PRIM2: variants seen among roughly 807,000 people sequenced by gnomAD.
The protein encoded by PRIM2 is DNA primase large subunit.
In PRIM2, 39 loss-of-function variants were observed where a neutral mutation model predicts 67.3. That is an observed-to-expected ratio of 0.58 (90% confidence interval 0.45 to 0.76). PRIM2 has a LOEUF of 0.76. PRIM2 is among the 30% of genes least tolerant of loss of function. The pLI, the probability that PRIM2 is intolerant of heterozygous loss-of-function variation, is 0.00. For synonymous variants in PRIM2, 143 were observed against 198.7 expected, an observed-to-expected ratio of 0.72 and a Z score of 2.36; for missense variants, 398 against 598.7, an observed-to-expected ratio of 0.66 and a Z score of 3.50.
At chr6:57,263,079 T>G in the PRIM2 span, among the ~76,000 whole-genome samples, 1 of 152,234 alleles carries the variant, frequency 6.6e-6, no homozygotes, top group South Asian at 2.1e-4. Flanking sequence ...AAGTGGATTC[T>G]CAATGGTTGA....
chr6:57,457,009 C>T (rs1317030014), intron 7 of PRIM2, among the ~76,000 whole-genome samples: 6 of 152,212 alleles, frequency 3.9e-5, no homozygotes. Flanking sequence ...TTCTAACAGT[C>T]AGGACCCTCA....
At chr6:57,511,556 C>T (rs1341607347) in intron 8 of PRIM2, among the ~76,000 whole-genome samples, 1 of 152,148 alleles carries the variant, frequency 6.6e-6, no homozygotes, top group Non-Finnish European at 1.5e-5. Flanking sequence ...AGTAATTGGG[C>T]CATAACTTAA....
At chr6:57,330,383 G>GTTTTTTTTTTTTTTTTTTTTTT (rs60270076) in intron 5 of PRIM2, among the ~76,000 whole-genome samples, 2 of 99,556 alleles carry the variant, frequency 2.0e-5, no homozygotes, top group East Asian at 2.8e-4. Context: ...TTGTTTTTTT[G>GTTTTTTTTTTTTTTTTTTTTTT]TTTTTTTTTT....
the PRIM2 span, among the ~76,000 whole-genome samples, chr6:57,252,956 T>C: frequency 6.6e-6 from 1 of 152,124 alleles, no homozygotes; most frequent in East Asian, 1.9e-4. Context: ...TTAGTAGTTA[T>C]TAGAAATAGA....
At chr6:57,317,266 C>T (rs1767508216), upstream of PRIM2, among the ~76,000 whole-genome samples, 2 of 152,072 alleles carry the variant, frequency 1.3e-5, no homozygotes. Context: ...GAGTGCCAGC[C>T]CTGAGGGTTA....
chr6:57,241,773 C>T, the PRIM2 span, among the ~76,000 whole-genome samples: 3 of 143,192 alleles, frequency 2.1e-5, no homozygotes, highest in Admixed American at 7.4e-5. Flanking sequence ...CCCGGGTTCA[C>T]GCCATTCTCC....
At chr6:57,543,067 G>A (rs1287373032) in intron 10 of PRIM2, among the ~76,000 whole-genome samples, 2 of 146,848 alleles carry the variant, frequency 1.4e-5, no homozygotes, top group Non-Finnish European at 3.0e-5. Context: ...AGCCTCCCGA[G>A]TAGCTGGGAC....
At chr6:57,518,510 C>T (rs1774535839) in intron 8 of PRIM2, among the ~76,000 whole-genome samples, 1 of 152,094 alleles carries the variant, frequency 6.6e-6, no homozygotes, top group Non-Finnish European at 1.5e-5. Flanking sequence ...CTCCCCATTA[C>T]TTATAAGAAT....
At chr6:57,443,113 G>C (rs1212645421) in intron 7 of PRIM2, among the ~76,000 whole-genome samples, 1 of 152,078 alleles carries the variant, frequency 6.6e-6, no homozygotes, top group Non-Finnish European at 1.5e-5. Flanking sequence ...GTACTCTATT[G>C]TGTATACATA....
At chr6:57,520,503 A>C (rs1434904840) in intron 8 of PRIM2, among the ~76,000 whole-genome samples, 116 of 152,286 alleles carry the variant, frequency 7.6e-4, no homozygotes, top group African/African-American at 2.8e-3. Flanking sequence ...GAATATAGAG[A>C]GTAAAGGAAC....
At chr6:57,330,391 T>A in intron 5 of PRIM2, among the ~76,000 whole-genome samples, 1 of 147,968 alleles carries the variant, frequency 6.8e-6, no homozygotes, top group Non-Finnish European at 1.5e-5. Flanking sequence ...TTGTTTTTTT[T>A]TTTTTGAGAT....
the PRIM2 span, among the ~76,000 whole-genome samples, chr6:57,256,611 TTCTC>T: frequency 6.9e-6 from 1 of 144,622 alleles, no homozygotes; most frequent in Non-Finnish European, 1.5e-5. Context: ...CAAGTTTTCT[TTCTC>T]TCTTTCTCTT....
intron 7 of PRIM2, among the ~76,000 whole-genome samples, chr6:57,495,199 A>G (rs1377012157): frequency 3.0e-4 from 46 of 152,346 alleles, no homozygotes; most frequent in African/African-American, 1.0e-3. Flanking sequence ...TTTTTAAAGA[A>G]AAACTGTAGT....
At chr6:57,627,707 C>T (rs1444830273) in intron 12 of PRIM2, among the ~76,000 whole-genome samples, 1 of 152,120 alleles carries the variant, frequency 6.6e-6, no homozygotes, top group Non-Finnish European at 1.5e-5. Context: ...TTTTCTTAGC[C>T]TTTTGATTAC....
the PRIM2 span, among the ~76,000 whole-genome samples, chr6:57,275,457 C>G: frequency 2.0e-5 from 3 of 152,104 alleles, no homozygotes; most frequent in Non-Finnish European, 4.4e-5. Flanking sequence ...CCATTGCACT[C>G]CAGCCTGGGC....
In PRIM2 at chr6:57,338,546, C is replaced by T. The variant is rs9370577; in HGVS notation, c.459+12501C>T. Among the ~76,000 whole-genome samples, 685 of 147,942 alleles carry T rather than the reference C, an allele frequency of 4.6e-3. 6 individuals are homozygous for T. The highest frequency in any genetic ancestry group is 7.5e-3 in the Non-Finnish European group (503 of 66,798). ...GGCTTCATCCCTGGGATGCAAGGCTCGTTCAATATACGCAAATCAATAAAT... is the reference window on the plus strand; with the variant it reads ...GGCTTCATCCCTGGGATGCAAGGCTTGTTCAATATACGCAAATCAATAAAT... On this transcript the variant is annotated intron_variant, in intron 5 of 13. Transcript: ENST00000615550.
At chr6:57,262,586 C>T in the PRIM2 span, among the ~76,000 whole-genome samples, 4 of 152,148 alleles carry the variant, frequency 2.6e-5, no homozygotes. Context: ...CACTGTCCAT[C>T]ATGAGAACAC....
intron 5 of PRIM2, among the ~76,000 whole-genome samples, chr6:57,336,179 A>G (rs1768239204): frequency 6.6e-6 from 1 of 152,174 alleles, no homozygotes; most frequent in Non-Finnish European, 1.5e-5. Context: ...AAAAGAAATG[A>G]GCAAAGCCTC....
intron 7 of PRIM2, among the ~76,000 whole-genome samples, chr6:57,458,589 G>A (rs1461497509): frequency 1.3e-5 from 2 of 152,188 alleles, no homozygotes; most frequent in Admixed American, 1.3e-4. Context: ...GGAGGCTGAG[G>A]AAGGCGAATT....
Sources: gnomAD v4.1 joint callset for allele counts (sites outside exome capture counted in the v4.1 genomes callset) on GRCh38, gnomAD v4.1.1 for gene constraint, MANE v1.5 for transcripts, NCBI Gene and HGNC (gene_info 2026-07-23, HGNC 2026-07-21) for gene names.